Variants in ARHGAP26 observed in about 807,000 individuals in gnomAD.
ARHGAP26 encodes rho GTPase-activating protein 26.
ARHGAP26 carries 38 observed loss-of-function variants against 104.8 expected under a neutral mutation model. The observed-to-expected ratio is 0.36, with a 90% CI of 0.28 to 0.48. The LOEUF is 0.48. Among genes scored for constraint, ARHGAP26 ranks in the 20% least tolerant of loss-of-function variants. The pLI is 0.99. For missense variants in ARHGAP26, 704 were observed against 947.9 expected, an observed-to-expected ratio of 0.74 and a Z score of 3.38; for synonymous variants, 341 against 340.0, an observed-to-expected ratio of 1.00 and a Z score of -0.03.
At chr5:143,219,744 G>A (rs1810894380) in intron 22 of ARHGAP26, among the ~76,000 whole-genome samples, 1 of 152,224 alleles carries the variant, frequency 6.6e-6, no homozygotes, top group Admixed American at 6.5e-5. Context: ...CTTCCTGTGA[G>A]CTAGTGAAAA....
At chr5:143,039,001 T>C (rs1240519725) in intron 13 of ARHGAP26, among the ~76,000 whole-genome samples, 2 of 152,034 alleles carry the variant, frequency 1.3e-5, no homozygotes, top group Non-Finnish European at 2.9e-5. Context: ...TTATTTATAA[T>C]ACGTGAAAAA....
chr5:142,836,926 A>G (rs553576965), intron 1 of ARHGAP26, among the ~76,000 whole-genome samples: 7 of 152,352 alleles, frequency 4.6e-5, no homozygotes, highest in East Asian at 1.9e-4. Flanking sequence ...GAAGTAGCCC[A>G]GGTGGTACTG....
intron 17 of ARHGAP26, among the ~76,000 whole-genome samples, chr5:143,079,350 C>T (rs1789483751): frequency 1.3e-5 from 2 of 152,200 alleles, no homozygotes; most frequent in African/African-American, 2.4e-5. Context: ...TTTTCTCCTT[C>T]TCTGTTTCCA....
intron 2 of ARHGAP26, among the ~76,000 whole-genome samples, chr5:142,874,228 G>A (rs1755748005): frequency 6.6e-6 from 1 of 152,258 alleles, no homozygotes; most frequent in Non-Finnish European, 1.5e-5. Flanking sequence ...GCAGCCGTAA[G>A]CATGGAGGAT....
chr5:143,126,058 A>G (rs1796693251), intron 18 of ARHGAP26, among the ~76,000 whole-genome samples: 1 of 152,174 alleles, frequency 6.6e-6, no homozygotes, highest in Non-Finnish European at 1.5e-5. Flanking sequence ...TTTTCAAGGC[A>G]CTCCCATTTT....
In ARHGAP26 at chr5:143,225,426, T is replaced by G. The variant is rs1277079485; in HGVS notation, c.*2980T>G. ...CTGATCTCGAACTCCTGACCTCAAGTGATCTGCCCACTTCAGACCCCCAAA... is the reference window on the plus strand; with the variant it reads ...CTGATCTCGAACTCCTGACCTCAAGGGATCTGCCCACTTCAGACCCCCAAA... On this transcript the variant is annotated 3_prime_UTR_variant, in exon 23 of 23. Coordinates refer to ENST00000645722, the MANE Select transcript of ARHGAP26 (RefSeq NM_001135608.3). The G allele has an allele frequency of 5.2e-6, 1 of 191,926 alleles. No individual in the cohort carries two copies. Among genetic ancestry groups the G allele is most frequent in the East Asian group, 8.2e-5 (1 of 12,148 alleles). 11.9% of individuals were successfully genotyped at this position (191,926 alleles called of 1,614,324 possible).
chr5:143,009,326 T>C (rs1598609014), intron 11 of ARHGAP26, among the ~76,000 whole-genome samples: 2 of 152,218 alleles, frequency 1.3e-5, no homozygotes, highest in East Asian at 1.9e-4. Flanking sequence ...ATTGTCATCA[T>C]CGTCATCACA....
intron 1 of ARHGAP26, among the ~76,000 whole-genome samples, chr5:142,791,228 G>A (rs903625907): frequency 2.0e-5 from 3 of 152,086 alleles, no homozygotes; most frequent in African/African-American, 7.2e-5. Context: ...AGGTGTAACT[G>A]CTCTGATAGG....
chr5:143,001,860 T>C (rs1777235289), intron 11 of ARHGAP26, among the ~76,000 whole-genome samples: 1 of 152,242 alleles, frequency 6.6e-6, no homozygotes, highest in Non-Finnish European at 1.5e-5. Flanking sequence ...AATCTCTTGT[T>C]GCATGCATAC....
intron 11 of ARHGAP26, among the ~76,000 whole-genome samples, chr5:143,012,010 A>G (rs1275420493): frequency 6.6e-6 from 1 of 152,206 alleles, no homozygotes; most frequent in East Asian, 1.9e-4. Flanking sequence ...CCCACATTTT[A>G]TAGATGAAGA....
chr5:143,019,722 A>G (rs891066177), intron 12 of ARHGAP26, among the ~76,000 whole-genome samples: 2 of 152,146 alleles, frequency 1.3e-5, no homozygotes, highest in Non-Finnish European at 2.9e-5. Context: ...GTCTTTTCCA[A>G]GTTTGATGTT....
At chr5:143,034,457 C>G (rs1483384804) in intron 12 of ARHGAP26, among the ~76,000 whole-genome samples, 1 of 152,120 alleles carries the variant, frequency 6.6e-6, no homozygotes, top group East Asian at 1.9e-4. Flanking sequence ...ATGGCTAGGG[C>G]TTGAAAACAT....
rs202204031 is a variant in ARHGAP26, at chr5:143,059,662, G to GT, written c.1538+1922dup. On this transcript the variant is annotated intron_variant, in intron 17 of 22. Transcript: ENST00000645722. ...ACAGTTGTGACCTTGACACATTTTT[G>GT]TTTTTTTGGCCTTCTAACCAATTTA... is the stretch of plus-strand genomic sequence containing the variant. Among the ~76,000 whole-genome samples the GT allele has an allele frequency of 3.6e-3, 550 of 152,060 alleles. 19 individuals carry two copies. The highest frequency in any genetic ancestry group is 0.032 in the Admixed American group (488 of 15,290).
chr5:142,964,746 G>A (rs1037019487), intron 11 of ARHGAP26, among the ~76,000 whole-genome samples: 2 of 152,136 alleles, frequency 1.3e-5, no homozygotes, highest in African/African-American at 4.8e-5. Context: ...TGGATCACCT[G>A]AAATTATCTC....
chr5:142,829,134 A>G (rs1284013301), intron 1 of ARHGAP26, among the ~76,000 whole-genome samples: 1 of 152,134 alleles, frequency 6.6e-6, no homozygotes, highest in Non-Finnish European at 1.5e-5. Flanking sequence ...AGGCTTTGAG[A>G]TTTCTGTAAC....
At chr5:143,079,207 A>T (rs1325649628) in intron 17 of ARHGAP26, among the ~76,000 whole-genome samples, 1 of 152,240 alleles carries the variant, frequency 6.6e-6, no homozygotes, top group East Asian at 1.9e-4. Context: ...ATGGGAGGGC[A>T]CAAAGGATCT....
chr5:143,214,120 G>A, intron 22 of ARHGAP26, 32 bp downstream of exon 22: 3 of 338,644 alleles, frequency 8.9e-6, no homozygotes, highest in Non-Finnish European at 1.2e-5. Flanking sequence ...AAAGATATGG[G>A]CGGGGGGCGG....
At chr5:143,159,894 C>T (rs77921975) in intron 20 of ARHGAP26, among the ~76,000 whole-genome samples, 3 of 149,348 alleles carry the variant, frequency 2.0e-5, no homozygotes, top group Non-Finnish European at 3.0e-5. Flanking sequence ...ACTGCCTTTT[C>T]ATTTTAACAC....
chr5:143,014,238 G>T (rs556564404), intron 12 of ARHGAP26, 122 bp downstream of exon 12: 4 of 1,059,380 alleles, frequency 3.8e-6, no homozygotes, highest in African/African-American at 3.2e-5. Flanking sequence ...TCCAGTTCCC[G>T]AGTGCAGTGG....
Sources: allele counts gnomAD v4.1 joint callset (sites outside exome capture counted in the v4.1 genomes callset), GRCh38; gene constraint gnomAD v4.1.1; transcripts MANE v1.5; gene names NCBI Gene and HGNC (gene_info 2026-07-23, HGNC 2026-07-21).